The following LARGE1 variants were observed in gnomAD, a reference collection of about 807,000 sequenced individuals.
LARGE1 encodes the protein xylosyl- and glucuronyltransferase LARGE1.
A neutral mutation model predicts 87.6 loss-of-function variants in LARGE1; 43 were observed. That is an observed-to-expected ratio of 0.49 (90% CI 0.38 to 0.63). The LOEUF (loss-of-function observed/expected upper bound fraction) is 0.63, where lower values mean the gene tolerates loss of function less well. Ranked by LOEUF, LARGE1 falls within the 30% of genes least tolerant of loss-of-function variation. The pLI is 0.00. For missense variants in LARGE1, 802 were observed against 1,000.2 expected (o/e 0.80, Z 2.67); for synonymous variants, 434 against 394.6 (o/e 1.10, Z -1.18).
intron 11 of LARGE1, among the ~76,000 whole-genome samples, chr22:33,305,844 C>CTTT (rs111657762): frequency 0.014 from 1,861 of 136,894 alleles, 32 homozygotes; most frequent in South Asian, 0.035. Flanking sequence ...TTTTCTTTTT[C>CTTT]TTTTTTTTTT....
chr22:33,497,503 T>C (rs1180710643), intron 6 of LARGE1, among the ~76,000 whole-genome samples: 3 of 152,222 alleles, frequency 2.0e-5, no homozygotes, highest in Non-Finnish European at 4.4e-5. Context: ...AAATATCAGC[T>C]ATCATAATTA....
chr22:33,846,696 C>T (rs183408622), intron 1 of LARGE1, among the ~76,000 whole-genome samples: 7 of 152,290 alleles, frequency 4.6e-5, no homozygotes, highest in South Asian at 2.1e-4. Flanking sequence ...GGGTATAGGT[C>T]TATAAACGGC....
chr22:33,491,986 T>G (rs1318191434), intron 6 of LARGE1, among the ~76,000 whole-genome samples: 1 of 152,192 alleles, frequency 6.6e-6, no homozygotes, highest in Non-Finnish European at 1.5e-5. Context: ...AAGAAGAGTT[T>G]CATGGAATAT....
chr22:33,745,793 C>G (rs935133048), intron 2 of LARGE1, among the ~76,000 whole-genome samples: 3 of 152,006 alleles, frequency 2.0e-5, no homozygotes, highest in African/African-American at 7.3e-5. Flanking sequence ...AAGACACAAC[C>G]GAGCCCACTG....
chr22:33,831,100 C>CTT (rs5845117), intron 1 of LARGE1, among the ~76,000 whole-genome samples: 286 of 137,170 alleles, frequency 2.1e-3, no homozygotes, highest in Middle Eastern at 3.7e-3. Context: ...TTTCTTTTTT[C>CTT]TTTTTTTTTT....
chr22:33,663,492 A>T (rs1424849148), intron 2 of LARGE1, among the ~76,000 whole-genome samples: 1 of 152,146 alleles, frequency 6.6e-6, no homozygotes, highest in East Asian at 1.9e-4. Flanking sequence ...GAGTGCAGGA[A>T]GTAACAGGTG....
intron 6 of LARGE1, among the ~76,000 whole-genome samples, chr22:33,519,998 CTTTTTTT>C (rs397868082): frequency 5.6e-4 from 54 of 97,230 alleles, no homozygotes; most frequent in African/African-American, 1.4e-3. Flanking sequence ...TGGTTTTTCT[CTTTTTTT>C]TTTTTTTTTT....
intron 9 of LARGE1, among the ~76,000 whole-genome samples, chr22:33,340,088 G>T (rs1168623812): frequency 6.7e-6 from 1 of 148,980 alleles, no homozygotes; most frequent in East Asian, 1.9e-4. Context: ...ACCATGATCA[G>T]CAAGACATAA....
intron 7 of LARGE1, among the ~76,000 whole-genome samples, chr22:33,395,634 T>C (rs1312759043): frequency 6.6e-6 from 1 of 152,168 alleles, no homozygotes; most frequent in African/African-American, 2.4e-5. Flanking sequence ...GTAGCTAGAA[T>C]TGGGTTGGTC....
chr22:33,528,064 C>G (rs560131739), intron 6 of LARGE1, among the ~76,000 whole-genome samples: 2 of 133,684 alleles, frequency 1.5e-5, no homozygotes, highest in East Asian at 4.7e-4. Flanking sequence ...AATATTCTAG[C>G]AACAGATCCT....
chr22:33,423,205 C>T (rs2066757313), intron 7 of LARGE1, among the ~76,000 whole-genome samples: 1 of 152,108 alleles, frequency 6.6e-6, no homozygotes, highest in Non-Finnish European at 1.5e-5. Context: ...TCGTAGGCGT[C>T]ACAGTGAAGA....
intron 1 of LARGE1, among the ~76,000 whole-genome samples, chr22:33,774,495 T>C (rs1954986059): frequency 6.6e-6 from 1 of 152,132 alleles, no homozygotes; most frequent in Non-Finnish European, 1.5e-5. Flanking sequence ...TAGCTGGGAT[T>C]ACAGGCACGT....
intron 2 of LARGE1, among the ~76,000 whole-genome samples, chr22:33,683,402 G>A (rs1326416616): frequency 6.6e-6 from 1 of 152,164 alleles, no homozygotes; most frequent in Non-Finnish European, 1.5e-5. Flanking sequence ...TTTCAGACTG[G>A]AACTATATCA....
chr22:33,401,777 C>T (rs1278967339), intron 7 of LARGE1, among the ~76,000 whole-genome samples: 2 of 152,140 alleles, frequency 1.3e-5, no homozygotes, highest in African/African-American at 4.8e-5. Flanking sequence ...TACCTTGGTC[C>T]CAGACTTCTA....
At chr22:33,322,653 G>A (rs576567177) in intron 10 of LARGE1, 18 of 152,322 alleles carry the variant, frequency 1.2e-4, no homozygotes, top group African/African-American at 4.3e-4. Flanking sequence ...CCTTGCCCTA[G>A]TGGGATGGAC....
intron 9 of LARGE1, among the ~76,000 whole-genome samples, chr22:33,341,379 T>C (rs1939127340): frequency 6.6e-6 from 1 of 152,016 alleles, no homozygotes; most frequent in South Asian, 2.1e-4. Flanking sequence ...GGGAAGGAAC[T>C]GGGTATCCAC....
chr22:33,408,312 AAGG>A (rs1444639234), intron 7 of LARGE1, among the ~76,000 whole-genome samples: 1 of 152,216 alleles, frequency 6.6e-6, no homozygotes, highest in Non-Finnish European at 1.5e-5. Flanking sequence ...AGGAAAAAAT[AAGG>A]AGGAGTACAT....
At chr22:33,719,171 T>C (rs147073967) in intron 2 of LARGE1, among the ~76,000 whole-genome samples, 6 of 152,230 alleles carry the variant, frequency 3.9e-5, no homozygotes, top group African/African-American at 1.2e-4. Flanking sequence ...TGTAAGGATA[T>C]AAAACATTTT....
chr22:33,604,419 C>A lies in LARGE1; in HGVS notation c.615+16G>T, dbSNP rs772391454. On this transcript the variant is annotated intron_variant, in intron 5 of 14. Transcript: ENST00000397394. ...GCTAGAGGAGATCACGGAAGTGCCT[C>A]CCCTCCTGCCCATACCTTGAGCTCG... The A allele has an allele frequency of 1.9e-6, 3 of 1,613,824 alleles. No homozygotes were observed. Among genetic ancestry groups the A allele is most frequent in the Admixed American group, 1.7e-5 (1 of 60,000 alleles).
Sources: gnomAD v4.1 joint callset for allele counts (sites outside exome capture counted in the v4.1 genomes callset) on GRCh38, gnomAD v4.1.1 for gene constraint, MANE v1.5 for transcripts, NCBI Gene and HGNC (gene_info 2026-07-23, HGNC 2026-07-21) for gene names.